The following LSM11 variants were observed in gnomAD, a reference collection of about 807,000 sequenced individuals.
LSM11 encodes the protein U7 snRNA-associated Sm-like protein LSm11.
LSM11 carries 14 observed loss-of-function variants against 28.1 expected under a neutral mutation model. The ratio of observed to expected loss-of-function variants is 0.50; its 90% CI spans 0.33 to 0.78. The LOEUF (loss-of-function observed/expected upper bound fraction) is 0.78. LSM11 is among the 30% of genes least tolerant of loss of function. LSM11 has a pLI of 0.02. For missense variants in LSM11, 495 were observed against 510.6 expected, an observed-to-expected ratio of 0.97 and a Z score of 0.30; for synonymous variants, 207 against 214.2, an observed-to-expected ratio of 0.97 and a Z score of 0.30.
intron 1 of LSM11, chr5:157,747,384 AGT>A (rs1761164381): frequency 6.2e-6 from 1 of 161,294 alleles, no homozygotes; most frequent in Non-Finnish European, 1.4e-5. Context: ...GGTGTGAACA[AGT>A]GTGTGTGGTC....
intron 1 of LSM11, among the ~76,000 whole-genome samples, chr5:157,746,564 T>A (rs1221434263): frequency 1.3e-5 from 2 of 152,226 alleles, no homozygotes; most frequent in Admixed American, 1.3e-4. Flanking sequence ...TGTCATAGAA[T>A]CTCTTTGAAT....
At position 157,758,575 on chromosome 5, in the gene LSM11, A is replaced by C. The variant is rs539072254; in HGVS notation, c.*3311A>C. On this transcript the variant is annotated 3_prime_UTR_variant, in exon 4 of 4. Coordinates refer to ENST00000286307, the MANE Select transcript of LSM11 (RefSeq NM_173491.4). ...AAGAAAATGAGGAACATAATGATAG[A>C]GTCGGGGAACTCCCACTAGCTCACC... 49 of 152,330 alleles carry C rather than the reference A, an allele frequency of 3.2e-4. No homozygotes were observed. The highest frequency in any genetic ancestry group is 1.1e-3 in the African/African-American group (47 of 41,568). The allele number at this position is 152,330 out of a possible 1,614,324, so 9.4% of individuals were successfully genotyped here.
chr5:157,754,884 T>C lies in LSM11; in HGVS notation c.703T>C (p.Ser235Pro), dbSNP rs764239621. Residue 235 changes from serine to proline, a missense_variant, in exon 4 of 4, where the codon TCC (serine) becomes CCC (proline). By Grantham distance (74) the Ser-to-Pro change is moderately conservative. Transcript: ENST00000286307. ...TGATCGGCTGAAACTTCAAGATTCC[T>C]CCAAGAAGGAAGCAGATTCTAAGTC... The part of the protein sequence containing the change: ...LFDRLKLQDS[S>P]KKEADSKSAV... The C allele has an allele frequency of 6.2e-7, 1 of 1,614,028 alleles. No homozygotes were observed. The highest frequency in any genetic ancestry group is 8.5e-7 in the Non-Finnish European group (1 of 1,179,944).
Position 157,754,049 on chromosome 5 carries a change from A to G in LSM11, c.634A>G (p.Lys212Glu). ...DETYRKPVLGKAYERDSSLTL... is the reference protein window; with the variant it reads ...DETYRKPVLGEAYERDSSLTL... ...GACCTACCGAAAACCTGTCCTAGGC[A>G]AAGCATATGAACGGGATTCTTCACT... The change falls in exon 3 of 4, where the codon AAA becomes GAA. Residue 212 changes from lysine to glutamate, a missense_variant. Transcript: ENST00000286307. The G allele has an allele frequency of 6.4e-7, 1 of 1,574,718 alleles. No homozygotes were observed. Among genetic ancestry groups the G allele is most frequent in the Non-Finnish European group, 8.6e-7 (1 of 1,161,030 alleles).
chr5:157,757,823 T>C lies in LSM11; in HGVS notation c.*2559T>C, dbSNP rs907122095. 4 of 152,238 alleles carry C rather than the reference T, an allele frequency of 2.6e-5. No individual in the cohort carries two copies. The highest frequency in any genetic ancestry group is 4.8e-5 in the African/African-American group (2 of 41,470). 9.4% of individuals were successfully genotyped at this position (152,238 alleles called of 1,614,324 possible). Reference sequence around the variant, plus strand: ...ATCAGTTTTCATTCATTCCAGTGCCTAGTTAAATCTAACCTGACTTAAACA... The same window carrying C: ...ATCAGTTTTCATTCATTCCAGTGCCCAGTTAAATCTAACCTGACTTAAACA... On this transcript the variant is annotated 3_prime_UTR_variant, in exon 4 of 4. Coordinates refer to ENST00000286307, the MANE Select transcript of LSM11 (RefSeq NM_173491.4).
chr5:157,750,081 G>T (rs1056016300), intron 1 of LSM11, among the ~76,000 whole-genome samples: 12 of 151,962 alleles, frequency 7.9e-5, no homozygotes, highest in Non-Finnish European at 1.6e-4. Context: ...GTGAGACTGT[G>T]TACGCACGAG....
At chr5:157,747,993 C>CTGTGTGTGTGTGTGTGTGTGTG (rs5872520) in intron 1 of LSM11, among the ~76,000 whole-genome samples, 2 of 148,618 alleles carry the variant, frequency 1.3e-5, no homozygotes, top group African/African-American at 5.0e-5. Context: ...CACCACACTG[C>CTGTGTGTGTGTGTGTGTGTGTG]TGTGTGTGTG....
In LSM11 at chr5:157,749,588, G is replaced by GCA. The variant is rs200970813; in HGVS notation, c.449-1784_449-1783dup. ...CACATATACACGCGCGCGCACGCGC[G>GCA]CACACACACACACACACACCCACAC... is the stretch of plus-strand genomic sequence containing the variant. On this transcript the variant is annotated intron_variant, in intron 1 of 3. Transcript: ENST00000286307. Among the ~76,000 whole-genome samples the GCA allele has an allele frequency of 2.2e-3, 313 of 142,384 alleles. 1 individual carries two copies. Among genetic ancestry groups the GCA allele is most frequent in the South Asian group, 0.015 (67 of 4,326 alleles). 93.4% of individuals were successfully genotyped at this position (142,384 alleles called of 152,430 possible).
Position 157,756,996 on chromosome 5 carries a change from T to C in LSM11, c.*1732T>C. 1.3e-5 allele frequency: 2 copies of C among 152,150 alleles called. No individual in the cohort carries two copies. Among genetic ancestry groups the C allele is most frequent in the Non-Finnish European group, 2.9e-5 (2 of 68,082 alleles). 9.4% of individuals were successfully genotyped at this position (152,150 alleles called of 1,614,324 possible). A position where few individuals can be genotyped will look rare whatever the true frequency, so the allele number is the denominator to read the frequency against. On this transcript the variant is annotated 3_prime_UTR_variant, in exon 4 of 4. Transcript: ENST00000286307. ...TCCTGGCTAACACGGTGAAACCCTGTCTCTACTAAAAATACAAAAATTAGC... is the reference window on the plus strand; with the variant it reads ...TCCTGGCTAACACGGTGAAACCCTGCCTCTACTAAAAATACAAAAATTAGC...
rs1458286612 is a variant in LSM11 at position 157,760,466 on chromosome 5, A to G, written c.*5202A>G. 1 of 152,164 alleles carries G rather than the reference A, an allele frequency of 6.6e-6. No homozygotes were observed. Among genetic ancestry groups the G allele is most frequent in the Non-Finnish European group, 1.5e-5 (1 of 68,034 alleles). The allele number at this position is 152,164 out of a possible 1,614,324, so 9.4% of individuals were successfully genotyped here. On this transcript the variant is annotated 3_prime_UTR_variant, in exon 4 of 4. Coordinates refer to ENST00000286307, the MANE Select transcript of LSM11 (RefSeq NM_173491.4). ...TACTCCTCTGCACCATAACTTATTA[A>G]TGTTTTTTTAGACAAGGCTAAACCT...
intron 1 of LSM11, among the ~76,000 whole-genome samples, chr5:157,746,363 G>A (rs1453142648): frequency 6.6e-6 from 1 of 152,218 alleles, no homozygotes; most frequent in Non-Finnish European, 1.5e-5. Flanking sequence ...TATCATCAGT[G>A]AAACATAATG....
rs567294420 is a variant in LSM11, at chr5:157,749,575, C to T, written c.449-1815C>T. ...ATATGGCCTATAACACATATACACG[C>T]GCGCGCACGCGCGCACACACACACA... On this transcript the variant is annotated intron_variant, in intron 1 of 3. Coordinates refer to ENST00000286307, the MANE Select transcript of LSM11 (RefSeq NM_173491.4). 1.9e-3 allele frequency among the ~76,000 whole-genome samples: 160 copies of T among 82,776 alleles called. 3 individuals are homozygous for T. Among genetic ancestry groups the T allele is most frequent in the Admixed American group, 0.014 (145 of 10,152 alleles). The allele number at this position is 82,776 out of a possible 152,430, so 54.3% of individuals were successfully genotyped here. A position where few individuals can be genotyped will look rare whatever the true frequency, so the allele number is the denominator to read the frequency against.
chr5:157,755,297 A>C lies in LSM11; in HGVS notation c.*33A>C, dbSNP rs776086610. 11 of 1,592,072 alleles carry C rather than the reference A, an allele frequency of 6.9e-6. No individual in the cohort carries two copies. The East Asian group carries it at 2.2e-4, about 32-fold the overall frequency. ...AGCCTGAGCTTTGGTTTTTAGAAATAAAGTGCATGAATTGCTGCTATGCTG... is the reference window on the plus strand; with the variant it reads ...AGCCTGAGCTTTGGTTTTTAGAAATCAAGTGCATGAATTGCTGCTATGCTG... On this transcript the variant is annotated 3_prime_UTR_variant, in exon 4 of 4. Coordinates refer to ENST00000286307, the MANE Select transcript of LSM11 (RefSeq NM_173491.4).
Position 157,747,183 on chromosome 5 carries a change from C to G in LSM11, c.448+2985C>G, listed in dbSNP as rs543211054. The stretch of plus-strand genomic sequence containing the variant: ...TAGTGTCTATATTTCTCCTTAGTAT[C>G]GCAGCACCATACCTAGCCCACGGTG... On this transcript the variant is annotated intron_variant, in intron 1 of 3. Transcript: ENST00000286307. Among the ~76,000 whole-genome samples the G allele has an allele frequency of 2.6e-5, 4 of 152,276 alleles. No individual in the cohort carries two copies. In the South Asian group the frequency reaches 8.3e-4, roughly 32 times the overall value.
chr5:157,744,330 C>T (rs1476844065), intron 1 of LSM11, 132 bp downstream of exon 1: 2 of 637,740 alleles, frequency 3.1e-6, no homozygotes, highest in East Asian at 3.6e-5. Flanking sequence ...TGAAAATTTG[C>T]GGGGATCATC....
Position 157,755,175 on chromosome 5 carries a change from A to C in LSM11, c.994A>C (p.Lys332Gln). The C allele has an allele frequency of 1.2e-6, 2 of 1,614,252 alleles. No individual in the cohort carries two copies. The highest frequency in any genetic ancestry group is 1.7e-6 in the Non-Finnish European group (2 of 1,180,052). The change falls in exon 4 of 4, where the codon AAA becomes CAA. Residue 332 changes from lysine (K) to glutamine (Q), a missense_variant. Transcript: ENST00000286307. ...GQSRKKKRKP[K>Q]VDYQQVFTRH... ...GTCCCGTAAGAAAAAGCGAAAGCCC[A>C]AAGTGGATTACCAGCAGGTATTCAC... is the stretch of plus-strand genomic sequence containing the variant.
chr5:157,749,237 G>A (rs1289916250), intron 1 of LSM11, among the ~76,000 whole-genome samples: 1 of 152,098 alleles, frequency 6.6e-6, no homozygotes, highest in Non-Finnish European at 1.5e-5. Flanking sequence ...TGGAGGTGTG[G>A]GAAAGAAGTA....
Position 157,744,013 on chromosome 5 carries a change from C to A in LSM11, c.263C>A (p.Ala88Asp). Residue 88 changes from alanine (A) to aspartate (D), a missense_variant, in exon 1 of 4, where the codon GCC becomes GAC. Coordinates refer to ENST00000286307, the MANE Select transcript of LSM11 (RefSeq NM_173491.4). ...RGAAAGSGVP[A>D]APGPSGRTRR... Reference sequence around the variant, plus strand: ...GCGGCCGCGGGCTCTGGGGTTCCCGCCGCACCCGGGCCCTCGGGCAGGACT... The same window carrying A: ...GCGGCCGCGGGCTCTGGGGTTCCCGACGCACCCGGGCCCTCGGGCAGGACT... 7.5e-7 allele frequency: 1 copy of A among 1,333,754 alleles called. No individual in the cohort carries two copies. Among genetic ancestry groups the A allele is most frequent in the Non-Finnish European group, 9.6e-7 (1 of 1,041,352 alleles). The allele number at this position is 1,333,754 out of a possible 1,614,324, so 82.6% of individuals were successfully genotyped here.
chr5:157,748,805 G>A (rs1408595184), intron 1 of LSM11, among the ~76,000 whole-genome samples: 2 of 152,228 alleles, frequency 1.3e-5, no homozygotes, highest in African/African-American at 4.8e-5. Flanking sequence ...AGAAGGAAGA[G>A]TGGAGCTGAA....
Sources: gnomAD v4.1 joint callset for allele counts (sites outside exome capture counted in the v4.1 genomes callset) on GRCh38, gnomAD v4.1.1 for gene constraint, MANE v1.5 for transcripts, NCBI Gene and HGNC (gene_info 2026-07-23, HGNC 2026-07-21) for gene names.